The following KCNJ15 variants were observed in gnomAD, a reference collection of about 807,000 sequenced individuals.
KCNJ15 encodes the protein potassium inwardly rectifying channel subfamily J member 15.
In KCNJ15, 14 loss-of-function variants were observed where a neutral mutation model predicts 23.0. That is an observed-to-expected ratio of 0.61 (90% CI 0.40 to 0.95). The LOEUF (loss-of-function observed/expected upper bound fraction) is 0.95, where lower values mean the gene tolerates loss of function less well. KCNJ15 is among the 40% of genes least tolerant of loss of function. The pLI is 0.00. For synonymous variants in KCNJ15, 185 were observed against 183.2 expected (o/e 1.01, Z -0.08); for missense variants, 388 against 461.8 (o/e 0.84, Z 1.46).
chr21:38,276,466 TTTAA>T (rs1982711294), intron 1 of KCNJ15, among the ~76,000 whole-genome samples: 1 of 152,120 alleles, frequency 6.6e-6, no homozygotes, highest in Admixed American at 6.5e-5. Context: ...CTATGTTTTA[TTTAA>T]AATGGTAATA....
At chr21:38,284,593 T>C (rs1983690626) in intron 1 of KCNJ15, among the ~76,000 whole-genome samples, 1 of 152,228 alleles carries the variant, frequency 6.6e-6, no homozygotes, top group African/African-American at 2.4e-5. Context: ...TTCCCTATGC[T>C]GCGTTTAACA....
intron 1 of KCNJ15, among the ~76,000 whole-genome samples, chr21:38,241,693 A>G (rs1038388287): frequency 6.6e-5 from 10 of 152,184 alleles, no homozygotes; most frequent in African/African-American, 2.4e-4. Context: ...ACGGCTGGGC[A>G]TGGAGGCTCA....
At chr21:38,295,379 G>A (rs1162977232) in intron 1 of KCNJ15, among the ~76,000 whole-genome samples, 1 of 152,142 alleles carries the variant, frequency 6.6e-6, no homozygotes, top group African/African-American at 2.4e-5. Flanking sequence ...CAATTTTTCC[G>A]AAATAGACAA....
chr21:38,288,166 G>A (rs1263378155), intron 1 of KCNJ15, among the ~76,000 whole-genome samples: 8 of 147,356 alleles, frequency 5.4e-5, no homozygotes, highest in African/African-American at 2.0e-4. Context: ...TCAGCCTCCC[G>A]AGCAGCTGGG....
At chr21:38,233,758 G>A (rs57763166) in intron 1 of KCNJ15, among the ~76,000 whole-genome samples, 10,222 of 152,006 alleles carry the variant, frequency 0.067, 819 homozygotes, top group African/African-American at 0.19. Context: ...TAACTTATCA[G>A]AATGATGTGT....
rs528126781 is a variant in KCNJ15, at chr21:38,257,749, T to C, written c.-117+564T>C. On this transcript the variant is annotated intron_variant, in intron 1 of 2. Transcript: ENST00000398938. ...TATTATGAACTTTGTTCATGACCCATGATTAATATGTTTTTTAATCTGTGT... is the reference window on the plus strand; with the variant it reads ...TATTATGAACTTTGTTCATGACCCACGATTAATATGTTTTTTAATCTGTGT... 1.7e-3 allele frequency among the ~76,000 whole-genome samples: 259 copies of C among 152,362 alleles called. 2 individuals are homozygous for C. The highest frequency in any genetic ancestry group is 2.4e-3 in the Non-Finnish European group (162 of 68,032).
chr21:38,264,482 G>T (rs753912810), intron 1 of KCNJ15, among the ~76,000 whole-genome samples: 8 of 152,208 alleles, frequency 5.3e-5, no homozygotes, highest in Non-Finnish European at 8.8e-5. Flanking sequence ...TGACAATGGA[G>T]ATTTTATGTA....
At chr21:38,272,005 T>G (rs1982151724) in intron 1 of KCNJ15, among the ~76,000 whole-genome samples, 1 of 152,124 alleles carries the variant, frequency 6.6e-6, no homozygotes, top group Non-Finnish European at 1.5e-5. Flanking sequence ...CCATGACAGT[T>G]TTAAGAATTA....
upstream of KCNJ15, among the ~76,000 whole-genome samples, chr21:38,253,390 C>G (rs555480840): frequency 6.6e-6 from 1 of 152,112 alleles, no homozygotes; most frequent in Non-Finnish European, 1.5e-5. Context: ...ACATTATGCT[C>G]CAAGACTCAC....
At chr21:38,285,005 T>G (rs929004665) in intron 1 of KCNJ15, among the ~76,000 whole-genome samples, 5 of 152,266 alleles carry the variant, frequency 3.3e-5, no homozygotes, top group African/African-American at 1.2e-4. Context: ...TAATGCTTCA[T>G]CAGCAGCATC....
At position 38,305,274 on chromosome 21, in the gene KCNJ15, G is replaced by A. The variant is rs1415629763; in HGVS notation, c.*4885G>A. 1.3e-5 allele frequency: 2 copies of A among 151,974 alleles called. No homozygotes were observed. Among genetic ancestry groups the A allele is most frequent in the Non-Finnish European group, 2.9e-5 (2 of 67,998 alleles). 9.4% of individuals were successfully genotyped at this position (151,974 alleles called of 1,614,324 possible). A position where few individuals can be genotyped will look rare whatever the true frequency, so the allele number is the denominator to read the frequency against. On this transcript the variant is annotated 3_prime_UTR_variant, in exon 3 of 3. Coordinates refer to ENST00000398938, the MANE Select transcript of KCNJ15 (RefSeq NM_170736.3). Reference sequence around the variant, plus strand: ...TTCATTCTATAAAGTCAAATAGATTGGTGGGTTAAAAAATAATCAATTCAA... The same window carrying A: ...TTCATTCTATAAAGTCAAATAGATTAGTGGGTTAAAAAATAATCAATTCAA...
intron 1 of KCNJ15, among the ~76,000 whole-genome samples, chr21:38,272,860 T>C (rs1982246151): frequency 6.6e-6 from 1 of 152,218 alleles, no homozygotes; most frequent in African/African-American, 2.4e-5. Flanking sequence ...TTAATACTTA[T>C]ACCCTACACT....
intron 1 of KCNJ15, chr21:38,238,309 G>A: frequency 1.4e-6 from 1 of 714,558 alleles, no homozygotes. Context: ...ATACGCAGTG[G>A]CCTGGTCTTC....
chr21:38,299,753 C>T lies in KCNJ15; in HGVS notation c.492C>T (p.Phe164=). Residue 164 remains phenylalanine (F), a synonymous_variant, in exon 3 of 3, where the codon TTC becomes TTT. Coordinates refer to ENST00000398938, the MANE Select transcript of KCNJ15 (RefSeq NM_170736.3). This position sits in a 1 kb window ranked among gnomAD's most constrained non-coding sequence, Gnocchi z 4.5. Reference sequence around the variant, plus strand: ...TTGAGATCTTCATCACCGGAACCTTCCTGGCCAAAATCGCCAGACCCAAAA... The same window carrying T: ...TTGAGATCTTCATCACCGGAACCTTTCTGGCCAAAATCGCCAGACCCAAAA... ...TLIEIFITGT[F]LAKIARPKKR... 1.2e-6 allele frequency: 2 copies of T among 1,614,122 alleles called. No individual in the cohort carries two copies. Among genetic ancestry groups the T allele is most frequent in the African/African-American group, 2.7e-5 (2 of 75,014 alleles).
rs1249620956 is a variant in KCNJ15 at position 38,302,149 on chromosome 21, G to A, written c.*1760G>A. 6.6e-6 allele frequency: 1 copy of A among 152,204 alleles called. No homozygotes were observed. Among genetic ancestry groups the A allele is most frequent in the Non-Finnish European group, 1.5e-5 (1 of 68,048 alleles). 9.4% of individuals were successfully genotyped at this position (152,204 alleles called of 1,614,324 possible). A position where few individuals can be genotyped will look rare whatever the true frequency, so the allele number is the denominator to read the frequency against. ...ATCAGTGAAAGACATTTGAGGTTAA[G>A]ACAGCAAGTCCTTGACAAATATGTT... On this transcript the variant is annotated 3_prime_UTR_variant, in exon 3 of 3. Transcript: ENST00000398938.
At chr21:38,283,752 A>G (rs919056120) in intron 1 of KCNJ15, among the ~76,000 whole-genome samples, 31 of 152,238 alleles carry the variant, frequency 2.0e-4, no homozygotes, top group Admixed American at 1.7e-3. Flanking sequence ...AGATTACTCT[A>G]TCGGACACCA....
chr21:38,244,296 TTC>T (rs1979218317), intron 1 of KCNJ15, among the ~76,000 whole-genome samples: 1 of 152,122 alleles, frequency 6.6e-6, no homozygotes, highest in African/African-American at 2.4e-5. Flanking sequence ...TTGTACCTCC[TTC>T]TCTCTCTCCC....
intron 1 of KCNJ15, among the ~76,000 whole-genome samples, chr21:38,278,075 A>G (rs971005301): frequency 2.0e-5 from 3 of 152,202 alleles, no homozygotes; most frequent in African/African-American, 7.2e-5. Context: ...GGGTATTGAG[A>G]CACAATGACG....
intron 1 of KCNJ15, among the ~76,000 whole-genome samples, chr21:38,274,293 G>A (rs975643355): frequency 2.6e-5 from 4 of 152,188 alleles, no homozygotes; most frequent in African/African-American, 7.2e-5. Context: ...AGCTAGCCAA[G>A]TTTGTTCCAC....
Sources: allele counts gnomAD v4.1 joint callset (sites outside exome capture counted in the v4.1 genomes callset), GRCh38; gene constraint gnomAD v4.1.1; non-coding constraint Gnocchi (gnomAD v3.1); transcripts MANE v1.5; gene names NCBI Gene and HGNC (gene_info 2026-07-23, HGNC 2026-07-21).